CACNA2D1: variants seen among roughly 807,000 people sequenced by gnomAD.
CACNA2D1 encodes the protein voltage-dependent calcium channel subunit alpha-2/delta-1.
A neutral mutation model predicts 171.5 loss-of-function variants in CACNA2D1; 53 were observed. That is an observed-to-expected ratio of 0.31 (90% CI 0.25 to 0.39). The LOEUF (loss-of-function observed/expected upper bound fraction) is 0.39, where lower values mean the gene tolerates loss of function less well. CACNA2D1 is among the 10% of genes least tolerant of loss of function. The pLI is 1.00. For missense variants in CACNA2D1, 903 were observed against 1,299.8 expected, an observed-to-expected ratio of 0.69 and a Z score of 4.69; for synonymous variants, 442 against 443.1, an observed-to-expected ratio of 1.00 and a Z score of 0.03.
At chr7:82,108,353 T>A (rs1346983251) in intron 6 of CACNA2D1, among the ~76,000 whole-genome samples, 1 of 152,170 alleles carries the variant, frequency 6.6e-6, no homozygotes, top group African/African-American at 2.4e-5. Context: ...CATATCTGCA[T>A]GTACTCAATG....
intron 3 of CACNA2D1, among the ~76,000 whole-genome samples, chr7:82,189,923 C>T (rs1275200650): frequency 6.6e-6 from 1 of 151,834 alleles, no homozygotes; most frequent in African/African-American, 2.4e-5. Context: ...AAAAGGTTTA[C>T]ATTAGATAAA....
chr7:82,160,606 C>G (rs1042523600), intron 4 of CACNA2D1, among the ~76,000 whole-genome samples: 3 of 151,982 alleles, frequency 2.0e-5, no homozygotes, highest in African/African-American at 7.2e-5. Flanking sequence ...GTAGCTGGGA[C>G]TACAGGTGTG....
chr7:82,155,592 G>A (rs1464905488), intron 4 of CACNA2D1, among the ~76,000 whole-genome samples: 1 of 152,042 alleles, frequency 6.6e-6, no homozygotes, highest in Non-Finnish European at 1.5e-5. Context: ...TGTATGAAAA[G>A]GTTCCCTCCT....
chr7:82,186,464 G>C (rs140609162), intron 3 of CACNA2D1, among the ~76,000 whole-genome samples: 1 of 152,170 alleles, frequency 6.6e-6, no homozygotes, highest in Non-Finnish European at 1.5e-5. Flanking sequence ...ATGACACTTC[G>C]ATGTATGTTA....
chr7:82,087,567 A>C (rs886585649), intron 6 of CACNA2D1, among the ~76,000 whole-genome samples: 5 of 152,022 alleles, frequency 3.3e-5, no homozygotes, highest in African/African-American at 4.8e-5. Context: ...AGCTAAAAAA[A>C]AAAAAAAAAT....
chr7:82,378,849 T>C (rs1823323503), intron 1 of CACNA2D1, among the ~76,000 whole-genome samples: 1 of 152,046 alleles, frequency 6.6e-6, no homozygotes, highest in Non-Finnish European at 1.5e-5. Flanking sequence ...GGCAATTTCA[T>C]ATTCATATTC....
At chr7:82,432,037 TAAAAAA>T (rs34180150) in intron 1 of CACNA2D1, among the ~76,000 whole-genome samples, 12 of 82,230 alleles carry the variant, frequency 1.5e-4, no homozygotes, top group African/African-American at 8.4e-4. Flanking sequence ...GACTCTGTCT[TAAAAAA>T]AAAAAAAAAA....
At chr7:82,190,350 T>C (rs10280131) in intron 3 of CACNA2D1, among the ~76,000 whole-genome samples, 2,269 of 151,904 alleles carry the variant, frequency 0.015, 64 homozygotes, top group African/African-American at 0.052. Flanking sequence ...ATGAATAAAT[T>C]GTTTTAAGAA....
At chr7:82,067,457 A>G (rs906430940) in intron 7 of CACNA2D1, among the ~76,000 whole-genome samples, 2 of 152,184 alleles carry the variant, frequency 1.3e-5, no homozygotes, top group African/African-American at 4.8e-5. Context: ...TAGCCAACTA[A>G]GATAATTTGG....
At chr7:81,979,482 A>G (rs1024908085) in intron 24 of CACNA2D1, among the ~76,000 whole-genome samples, 6 of 152,164 alleles carry the variant, frequency 3.9e-5, no homozygotes, top group African/African-American at 1.4e-4. Context: ...AAGCTGAGAA[A>G]GCCAACATGC....
intron 3 of CACNA2D1, among the ~76,000 whole-genome samples, chr7:82,188,465 G>A (rs560939007): frequency 5.9e-5 from 9 of 151,900 alleles, no homozygotes; most frequent in South Asian, 2.1e-4. Flanking sequence ...TAAATAAATC[G>A]GTAATATAAT....
chr7:82,235,024 C>T (rs1174128811), intron 3 of CACNA2D1, among the ~76,000 whole-genome samples: 1 of 152,088 alleles, frequency 6.6e-6, no homozygotes. Context: ...TCTGTGCTAA[C>T]CTGATGACCT....
chr7:82,138,431 G>GTTTT (rs1281649581), intron 4 of CACNA2D1, among the ~76,000 whole-genome samples: 1 of 74,106 alleles, frequency 1.3e-5, no homozygotes, highest in African/African-American at 5.8e-5. Flanking sequence ...CATTAGTTTT[G>GTTTT]TTTTTTTTGT....
At chr7:82,174,532 A>T (rs1187656722) in intron 3 of CACNA2D1, among the ~76,000 whole-genome samples, 1 of 152,108 alleles carries the variant, frequency 6.6e-6, no homozygotes, top group Non-Finnish European at 1.5e-5. Flanking sequence ...ATAACAAAAT[A>T]GACTTGACCC....
chr7:82,052,363 T>C (rs1403843651), intron 10 of CACNA2D1, among the ~76,000 whole-genome samples: 3 of 152,194 alleles, frequency 2.0e-5, no homozygotes, highest in Non-Finnish European at 4.4e-5. Flanking sequence ...CATGCACACA[T>C]GCACGCACAC....
rs564639291 is a variant in CACNA2D1 at position 82,201,005 on chromosome 7, C to G, written c.295-30396G>C. Among the ~76,000 whole-genome samples the G allele has an allele frequency of 1.5e-3, 227 of 152,234 alleles. 3 individuals carry two copies. Among genetic ancestry groups the G allele is most frequent in the African/African-American group, 5.3e-3 (218 of 41,522 alleles). ...ATAAAACAGAGTTTTAAAATAATCTCAAAGTGTATATGTTTATTGATTATT... is the reference window on the plus strand; with the variant it reads ...ATAAAACAGAGTTTTAAAATAATCTGAAAGTGTATATGTTTATTGATTATT... On this transcript the variant is annotated intron_variant, in intron 3 of 38. Coordinates refer to ENST00000356860, the MANE Select transcript of CACNA2D1 (RefSeq NM_000722.4).
intron 6 of CACNA2D1, among the ~76,000 whole-genome samples, chr7:82,107,586 C>CTTTT (rs72498624): frequency 0.018 from 2,387 of 135,598 alleles, 53 homozygotes; most frequent in South Asian, 0.034. Flanking sequence ...TGAAAATAAA[C>CTTTT]TTTTTTTTTT....
intron 6 of CACNA2D1, among the ~76,000 whole-genome samples, chr7:82,085,496 A>G (rs1810347894): frequency 6.6e-6 from 1 of 151,568 alleles, no homozygotes; most frequent in Non-Finnish European, 1.5e-5. Flanking sequence ...TCTGCGGCAG[A>G]GCAACATAAA....
At chr7:81,963,996 T>C in intron 34 of CACNA2D1, 60 bp downstream of exon 34, 10 of 1,379,040 alleles carry the variant, frequency 7.3e-6, no homozygotes, top group Non-Finnish European at 1.0e-5. Context: ...TTTCATCAGA[T>C]GCTTTTTTAT....
Sources: gnomAD v4.1 joint callset for allele counts (sites outside exome capture counted in the v4.1 genomes callset) on GRCh38, gnomAD v4.1.1 for gene constraint, MANE v1.5 for transcripts, NCBI Gene and HGNC (gene_info 2026-07-23, HGNC 2026-07-21) for gene names.